PPP2R5C: variants seen among roughly 807,000 people sequenced by gnomAD.
The protein encoded by PPP2R5C is serine/threonine-protein phosphatase 2A 56 kDa regulatory subunit gamma isoform.
In PPP2R5C, 7 loss-of-function variants were observed where a neutral mutation model predicts 68.9. That is an observed-to-expected ratio of 0.10 (90% CI 0.06 to 0.19). The LOEUF is 0.19. Ranked by LOEUF, PPP2R5C falls within the 10% of genes least tolerant of loss-of-function variation. The pLI is 1.00. For synonymous variants in PPP2R5C, 210 were observed against 222.2 expected (o/e 0.95, Z 0.49); for missense variants, 348 against 641.3 (o/e 0.54, Z 4.94).
At chr14:101,823,723 A>G (rs1407806798) in intron 1 of PPP2R5C, 1 of 1,027,100 alleles carries the variant, frequency 9.7e-7, no homozygotes, top group Non-Finnish European at 1.2e-6. Context: ...ATACCGGACC[A>G]GCACTTGGGT....
chr14:101,761,888 C>T (rs1227719622), exon 1 of PPP2R5C: 5 of 1,161,492 alleles, frequency 4.3e-6, no homozygotes, highest in Non-Finnish European at 5.4e-6. Context: ...GCGGCCCGCT[C>T]CAGCCATGCC....
rs1184828779 is a variant in PPP2R5C at position 101,915,553 on chromosome 14, A to T, written c.1327-2278A>T. Among the ~76,000 whole-genome samples, 1 of 152,218 alleles carries T rather than the reference A, an allele frequency of 6.6e-6. No homozygotes were observed. Among genetic ancestry groups the T allele is most frequent in the Non-Finnish European group, 1.5e-5 (1 of 68,042 alleles). On this transcript the variant is annotated intron_variant, in intron 12 of 13. Transcript: ENST00000334743. The surrounding 1 kb of genome is among the most constrained non-coding windows in gnomAD (Gnocchi z 4.2). ...GCTGTTGGTGGGTCCCATGAAGAGCACTGCTTGTTGCCTGGAGTAGTCAAA... is the reference window on the plus strand; with the variant it reads ...GCTGTTGGTGGGTCCCATGAAGAGCTCTGCTTGTTGCCTGGAGTAGTCAAA...
intron 2 of PPP2R5C, among the ~76,000 whole-genome samples, chr14:101,776,558 C>T (rs2037431917): frequency 6.6e-6 from 1 of 152,180 alleles, no homozygotes; most frequent in Admixed American, 6.5e-5. Context: ...GTGTGTCTCC[C>T]TGTCTTCGTG....
chr14:101,778,690 C>A (rs2037538001), intron 2 of PPP2R5C, among the ~76,000 whole-genome samples: 1 of 152,160 alleles, frequency 6.6e-6, no homozygotes, highest in African/African-American at 2.4e-5. Context: ...GCTTGGCTCT[C>A]AATTTTATTC....
rs115306142 is a variant in PPP2R5C, at chr14:101,873,549, G to A, written c.295-8612G>A. Among the ~76,000 whole-genome samples the A allele has an allele frequency of 1.4e-3, 206 of 152,208 alleles. 1 individual carries two copies. The highest frequency in any genetic ancestry group is 4.7e-3 in the African/African-American group (195 of 41,542). The stretch of plus-strand genomic sequence containing the variant: ...ATTATGAATTTTTCCCATCTGGTTG[G>A]TGGGAACAGACACTGTTCCCAGCCC... On this transcript the variant is annotated intron_variant, in intron 2 of 13. Coordinates refer to ENST00000334743, the Ensembl canonical transcript of PPP2R5C.
At chr14:101,842,570 G>C (rs1427846408) in intron 1 of PPP2R5C, among the ~76,000 whole-genome samples, 1 of 152,052 alleles carries the variant, frequency 6.6e-6, no homozygotes, top group Non-Finnish European at 1.5e-5. Flanking sequence ...GGGGAGCTGT[G>C]AGTCACCACC....
At chr14:101,868,322 A>G (rs2043200943) in intron 2 of PPP2R5C, among the ~76,000 whole-genome samples, 1 of 152,134 alleles carries the variant, frequency 6.6e-6, no homozygotes, top group Admixed American at 6.5e-5. Context: ...CGATTTTGAG[A>G]TTTTCCTTTG....
intron 13 of PPP2R5C, 46 bp from the exon 16 acceptor site, chr14:101,925,095 C>CAAAA (rs2047225187): frequency 6.3e-7 from 1 of 1,599,162 alleles, no homozygotes; most frequent in Non-Finnish European, 8.6e-7. Flanking sequence ...GCTTGCTTTT[C>CAAAA]AGATAGCTTA....
At chr14:101,779,527 A>C (rs796445896) in intron 2 of PPP2R5C, among the ~76,000 whole-genome samples, 12 of 152,300 alleles carry the variant, frequency 7.9e-5, no homozygotes, top group African/African-American at 2.9e-4. Flanking sequence ...AGAAACAGGC[A>C]TTGAAACAGG....
rs2044216617 is a variant in PPP2R5C at position 101,882,326 on chromosome 14, C to T, written c.405+55C>T. 2.1e-6 allele frequency: 3 copies of T among 1,408,486 alleles called. No individual in the cohort carries two copies. Among genetic ancestry groups the T allele is most frequent in the Non-Finnish European group, 2.9e-6 (3 of 1,018,760 alleles). The allele number at this position is 1,408,486 out of a possible 1,614,324, so 87.2% of individuals were successfully genotyped here. A position where few individuals can be genotyped will look rare whatever the true frequency, so the allele number is the denominator to read the frequency against. On this transcript the variant is annotated intron_variant, in intron 3 of 13. Transcript: ENST00000334743. The surrounding 1 kb of genome is among the most constrained non-coding windows in gnomAD (Gnocchi z 4.9). The stretch of plus-strand genomic sequence containing the variant: ...GGCACTGGTGACACATGGGAATGGC[C>T]TGGGATCCACAGAGCGGGCGCACTG...
chr14:101,856,971 C>T, intron 2 of PPP2R5C, 86 bp downstream of exon 4: 1 of 1,284,860 alleles, frequency 7.8e-7, no homozygotes, highest in Non-Finnish European at 1.1e-6. Flanking sequence ...CACAGTGCTA[C>T]CCAGGAGAAG....
In PPP2R5C at chr14:101,917,740, C is replaced by T. The variant is rs1318153987; in HGVS notation, c.1327-91C>T. 1.3e-5 allele frequency: 20 copies of T among 1,549,460 alleles called. No homozygotes were observed. Among genetic ancestry groups the T allele is most frequent in the East Asian group, 1.1e-4 (5 of 44,028 alleles). On this transcript the variant is annotated intron_variant, in intron 12 of 13. Coordinates refer to ENST00000334743, the Ensembl canonical transcript of PPP2R5C. This position sits in a 1 kb window ranked among gnomAD's most constrained non-coding sequence, Gnocchi z 4.4. The stretch of plus-strand genomic sequence containing the variant: ...TCCTGCGGGAGAGGGCCCTGGGGGG[C>T]GGCAGGGGAGATGAGTCCCTAGCCA...
intron 5 of PPP2R5C, among the ~76,000 whole-genome samples, chr14:101,885,320 A>T (rs943875226): frequency 1.3e-5 from 2 of 151,900 alleles, no homozygotes; most frequent in African/African-American, 4.8e-5. Flanking sequence ...GGCCCCTCCC[A>T]TCCCGTGCCG....
At chr14:101,911,724 A>C (rs1398858710) in intron 11 of PPP2R5C, among the ~76,000 whole-genome samples, 1 of 152,068 alleles carries the variant, frequency 6.6e-6, no homozygotes, top group Non-Finnish European at 1.5e-5. Flanking sequence ...CTCTACTAAA[A>C]GTACGAAAAT....
rs2140121275 is a variant in PPP2R5C, at chr14:101,797,308, CA to C, written c.259+11127del. On this transcript the variant is annotated intron_variant, in intron 3 of 14. Coordinates refer to the PPP2R5C transcript ENST00000328724. The surrounding 1 kb of genome is among the most constrained non-coding windows in gnomAD (Gnocchi z 4.2). ...GGACGGACACATTCCGCGTATCCCC[CA>C]ATCAGTGGATGGACGCGTGGGTTGC... 1 of 456,092 alleles carries C rather than the reference CA, an allele frequency of 2.2e-6. No individual in the cohort carries two copies. The highest frequency in any genetic ancestry group is 1.5e-5 in the South Asian group (1 of 64,556). 28.3% of individuals were successfully genotyped at this position (456,092 alleles called of 1,614,324 possible).
chr14:101,879,642 G>A lies in PPP2R5C; in HGVS notation c.295-2519G>A, dbSNP rs901529310. ...GCTCTGCCCCTGTCGGCACCAGGCC[G>A]GGCCCACAGCTCTAACCCACCGAAG... On this transcript the variant is annotated intron_variant, in intron 2 of 13. Coordinates refer to ENST00000334743, the Ensembl canonical transcript of PPP2R5C. This position sits in a 1 kb window ranked among gnomAD's most constrained non-coding sequence, Gnocchi z 4.2. 2.0e-5 allele frequency among the ~76,000 whole-genome samples: 3 copies of A among 152,148 alleles called. No homozygotes were observed. The highest frequency in any genetic ancestry group is 1.9e-4 in the East Asian group (1 of 5,194).
rs919735718 is a variant in PPP2R5C, at chr14:101,789,517, T to G, written c.259+3334T>G. ...TATTATAATTGCTGTGTTGACAGAT[T>G]TTTCTGGTTTTGAAATATCTTTGCA... On this transcript the variant is annotated intron_variant, in intron 3 of 14. Coordinates refer to the PPP2R5C transcript ENST00000328724. Among the ~76,000 whole-genome samples, 4 of 152,240 alleles carry G rather than the reference T, an allele frequency of 2.6e-5. No homozygotes were observed. The East Asian group carries it at 5.8e-4, about 22-fold the overall frequency.
At chr14:101,869,544 A>G (rs1014244591) in intron 2 of PPP2R5C, among the ~76,000 whole-genome samples, 1 of 152,336 alleles carries the variant, frequency 6.6e-6, no homozygotes, top group South Asian at 2.1e-4. Flanking sequence ...TTCCCCCAAC[A>G]GTGCGTGAGT....
Position 101,797,315 on chromosome 14 carries a change from T to G in PPP2R5C, c.259+11132T>G. 1 of 456,020 alleles carries G rather than the reference T, an allele frequency of 2.2e-6. No individual in the cohort carries two copies. The highest frequency in any genetic ancestry group is 4.4e-6 in the Non-Finnish European group (1 of 226,768). 28.2% of individuals were successfully genotyped at this position (456,020 alleles called of 1,614,324 possible). A position where few individuals can be genotyped will look rare whatever the true frequency, so the allele number is the denominator to read the frequency against. ...CACATTCCGCGTATCCCCCAATCAG[T>G]GGATGGACGCGTGGGTTGCAGAGCA... On this transcript the variant is annotated intron_variant, in intron 3 of 14. Coordinates refer to the PPP2R5C transcript ENST00000328724. This position sits in a 1 kb window ranked among gnomAD's most constrained non-coding sequence, Gnocchi z 4.2.
Sources: allele counts gnomAD v4.1 joint callset (sites outside exome capture counted in the v4.1 genomes callset), GRCh38; gene constraint gnomAD v4.1.1; non-coding constraint Gnocchi (gnomAD v3.1); transcripts MANE v1.5; gene names NCBI Gene and HGNC (gene_info 2026-07-23, HGNC 2026-07-21).